C13orf42: variants seen among roughly 807,000 people sequenced by gnomAD.
C13orf42 encodes uncharacterized protein C13orf42.
At chr13:51,129,774 T>C (rs1163600200) in intron 1 of C13orf42, among the ~76,000 whole-genome samples, 2 of 152,204 alleles carry the variant, frequency 1.3e-5, no homozygotes, top group African/African-American at 4.8e-5. Flanking sequence ...TATTGTTCTG[T>C]CATAAAGAGG....
intron 1 of C13orf42, among the ~76,000 whole-genome samples, chr13:51,155,253 C>A (rs1217230179): frequency 6.6e-6 from 1 of 152,122 alleles, no homozygotes; most frequent in Non-Finnish European, 1.5e-5. Context: ...TTGGAAACTC[C>A]TTGTGGGTTT....
chr13:51,102,612 C>A (rs1314453189), intron 1 of C13orf42, among the ~76,000 whole-genome samples: 1 of 152,166 alleles, frequency 6.6e-6, no homozygotes, highest in Admixed American at 6.5e-5. Context: ...TATTTTGCAA[C>A]TAGTTCATTC....
chr13:51,124,928 A>C (rs764412554), intron 1 of C13orf42, among the ~76,000 whole-genome samples: 6 of 151,082 alleles, frequency 4.0e-5, no homozygotes, highest in Non-Finnish European at 8.8e-5. Context: ...GTCTTCCTTT[A>C]TTTTTTCTGA....
intron 1 of C13orf42, chr13:51,161,922 C>A: frequency 2.0e-6 from 1 of 493,584 alleles, no homozygotes; most frequent in East Asian, 5.8e-5. Context: ...GTAAAGGCAC[C>A]TGGCTGACCA....
intron 1 of C13orf42, among the ~76,000 whole-genome samples, chr13:51,170,906 C>T (rs968600652): frequency 3.3e-5 from 5 of 152,064 alleles, no homozygotes; most frequent in Admixed American, 2.0e-4. Context: ...TGGCAAGTCC[C>T]GCTTTCCTAG....
chr13:51,143,698 C>T (rs1390666516), intron 1 of C13orf42, among the ~76,000 whole-genome samples: 2 of 152,212 alleles, frequency 1.3e-5, no homozygotes, highest in East Asian at 1.9e-4. Flanking sequence ...GTGTTTTAAA[C>T]CTTTTATATT....
At chr13:51,106,071 G>A (rs1465439597) in intron 1 of C13orf42, among the ~76,000 whole-genome samples, 1 of 152,218 alleles carries the variant, frequency 6.6e-6, no homozygotes, top group Admixed American at 6.5e-5. Context: ...GTACTGAGAA[G>A]TGCAAAAGTA....
At chr13:51,108,060 G>A (rs1953380480) in intron 1 of C13orf42, among the ~76,000 whole-genome samples, 1 of 152,154 alleles carries the variant, frequency 6.6e-6, no homozygotes, top group South Asian at 2.1e-4. Flanking sequence ...TCTGTTCCAG[G>A]CCTTTCTCCT....
At chr13:51,112,893 A>AG (rs1262799675), upstream of C13orf42, among the ~76,000 whole-genome samples, 2 of 152,094 alleles carry the variant, frequency 1.3e-5, no homozygotes, top group African/African-American at 4.8e-5. Context: ...CCAGGTATCC[A>AG]GGGGAAGTCT....
At chr13:51,153,446 G>GAC (rs1953796642) in intron 1 of C13orf42, among the ~76,000 whole-genome samples, 1 of 137,694 alleles carries the variant, frequency 7.3e-6, no homozygotes, top group African/African-American at 3.4e-5. Context: ...AAACATGACA[G>GAC]AGAGAGAGAG....
At chr13:51,108,099 C>T (rs570958849) in intron 1 of C13orf42, among the ~76,000 whole-genome samples, 4 of 152,184 alleles carry the variant, frequency 2.6e-5, no homozygotes, top group South Asian at 2.1e-4. Flanking sequence ...GGCTTTTGTC[C>T]GTGGCATTCT....
intron 1 of C13orf42, among the ~76,000 whole-genome samples, chr13:51,089,488 A>G (rs1953161534): frequency 1.3e-5 from 2 of 151,942 alleles, no homozygotes; most frequent in African/African-American, 4.8e-5. Context: ...AGTTCTCATG[A>G]GATCTGATGG....
At chr13:51,090,628 A>G (rs907750117) in intron 1 of C13orf42, among the ~76,000 whole-genome samples, 2 of 152,106 alleles carry the variant, frequency 1.3e-5, no homozygotes, top group African/African-American at 4.8e-5. Flanking sequence ...TATCTGGGTT[A>G]CCCTATTATT....
intron 1 of C13orf42, among the ~76,000 whole-genome samples, chr13:51,156,223 G>T (rs572521823): frequency 1.3e-5 from 2 of 152,236 alleles, no homozygotes; most frequent in South Asian, 4.2e-4. Flanking sequence ...AAACAGTTTG[G>T]CTAGGCCTAT....
intron 1 of C13orf42, among the ~76,000 whole-genome samples, chr13:51,130,764 T>C (rs1391613337): frequency 3.3e-5 from 5 of 151,952 alleles, no homozygotes; most frequent in Admixed American, 3.3e-4. Flanking sequence ...TAAAAGTCAC[T>C]AAGAGTTAAC....
chr13:51,153,879 C>G (rs1036652978), intron 1 of C13orf42, among the ~76,000 whole-genome samples: 1 of 151,936 alleles, frequency 6.6e-6, no homozygotes, highest in Admixed American at 6.6e-5. Flanking sequence ...AGCAATCTAC[C>G]GCCTCGGCCT....
At chr13:51,123,489 A>G (rs1256622907) in intron 1 of C13orf42, among the ~76,000 whole-genome samples, 2 of 152,220 alleles carry the variant, frequency 1.3e-5, no homozygotes, top group Non-Finnish European at 2.9e-5. Flanking sequence ...TCAAATTTCA[A>G]AGCAGGTGGG....
chr13:51,135,669 TAAAAG>T (rs1953652239), intron 1 of C13orf42, among the ~76,000 whole-genome samples: 1 of 150,214 alleles, frequency 6.7e-6, no homozygotes, highest in Non-Finnish European at 1.5e-5. Flanking sequence ...AAAAAAGAAA[TAAAAG>T]AAAAAGAAAA....
intron 1 of C13orf42, among the ~76,000 whole-genome samples, chr13:51,120,571 G>C (rs1439444051): frequency 6.6e-6 from 1 of 152,178 alleles, no homozygotes; most frequent in Non-Finnish European, 1.5e-5. Flanking sequence ...CCTTGAGACT[G>C]TTTCCACCAC....
Sources: allele counts gnomAD v4.1 joint callset (sites outside exome capture counted in the v4.1 genomes callset), GRCh38; gene constraint gnomAD v4.1.1; transcripts MANE v1.5; gene names NCBI Gene and HGNC (gene_info 2026-07-23, HGNC 2026-07-21).